The following SDK1 variants were observed in gnomAD, a reference collection of about 807,000 sequenced individuals.
SDK1 encodes the protein sidekick cell adhesion molecule 1.
Under a neutral mutation model 245.5 loss-of-function variants are expected in SDK1, and 157 were observed. That is an observed-to-expected ratio of 0.64 (90% CI 0.56 to 0.73). The LOEUF (loss-of-function observed/expected upper bound fraction) is 0.73, where lower values mean the gene tolerates loss of function less well. SDK1 is among the 30% of genes least tolerant of loss of function. The pLI, the probability that SDK1 is intolerant of heterozygous loss-of-function variation, is 0.00. For synonymous variants in SDK1, 1,647 were observed against 1,278.5 expected (o/e 1.29, Z -6.15); for missense variants, 3,583 against 3,002.3 (o/e 1.19, Z -4.52).
intron 32 of SDK1, among the ~76,000 whole-genome samples, chr7:4,164,861 C>A (rs1781400218): frequency 6.6e-6 from 1 of 152,136 alleles, no homozygotes; most frequent in African/African-American, 2.4e-5. Flanking sequence ...TGCAAGAAGA[C>A]CAGAGCAGGA....
intron 1 of SDK1, among the ~76,000 whole-genome samples, chr7:3,569,237 G>A (rs1248318035): frequency 1.3e-5 from 2 of 151,950 alleles, no homozygotes; most frequent in African/African-American, 4.8e-5. Context: ...AGGAAAAACA[G>A]AAGTCGGAAT....
chr7:4,115,674 C>T (rs1057315943), intron 25 of SDK1, among the ~76,000 whole-genome samples: 2 of 152,282 alleles, frequency 1.3e-5, no homozygotes, highest in South Asian at 2.1e-4. Context: ...ATGGCCAGGG[C>T]CTGCCCACAG....
chr7:3,661,551 A>C (rs1462698698), intron 4 of SDK1, among the ~76,000 whole-genome samples: 1 of 152,196 alleles, frequency 6.6e-6, no homozygotes, highest in African/African-American at 2.4e-5. Context: ...TAGTGATGAA[A>C]TAAGGAATTG....
chr7:4,101,144 C>G (rs184374535), intron 22 of SDK1, among the ~76,000 whole-genome samples: 1 of 148,836 alleles, frequency 6.7e-6, no homozygotes, highest in African/African-American at 2.5e-5. Context: ...AGCAAGGACA[C>G]TTGCATTTTT....
chr7:3,308,842 G>A (rs1407542405), intron 1 of SDK1, among the ~76,000 whole-genome samples: 2 of 152,196 alleles, frequency 1.3e-5, no homozygotes, highest in East Asian at 1.9e-4. Flanking sequence ...GCTCTCAAGT[G>A]TGTAAGCTTA....
intron 19 of SDK1, among the ~76,000 whole-genome samples, chr7:4,061,255 T>C (rs1432137279): frequency 2.0e-5 from 3 of 152,056 alleles, no homozygotes; most frequent in Admixed American, 6.5e-5. Context: ...TTCACGATAT[T>C]GATTCTTCCT....
intron 1 of SDK1, among the ~76,000 whole-genome samples, chr7:3,396,305 G>T (rs1781895069): frequency 6.6e-6 from 1 of 151,590 alleles, no homozygotes; most frequent in Non-Finnish European, 1.5e-5. Flanking sequence ...TTTCTTTGTG[G>T]TCCAGCATAT....
intron 1 of SDK1, among the ~76,000 whole-genome samples, chr7:3,447,531 A>G (rs1191274959): frequency 6.6e-6 from 1 of 152,092 alleles, no homozygotes; most frequent in East Asian, 1.9e-4. Flanking sequence ...CTAGGACAGT[A>G]TGTATAGAAC....
At chr7:3,910,958 G>T (rs1009718201) in intron 5 of SDK1, among the ~76,000 whole-genome samples, 1 of 152,148 alleles carries the variant, frequency 6.6e-6, no homozygotes, top group Non-Finnish European at 1.5e-5. Context: ...AAGCTCAGGC[G>T]TGCTGCTCTG....
At chr7:4,122,162 G>T (rs1007924322) in intron 25 of SDK1, among the ~76,000 whole-genome samples, 29 of 152,246 alleles carry the variant, frequency 1.9e-4, no homozygotes, top group Non-Finnish European at 8.8e-5. Context: ...TCATCAGAAT[G>T]GAGATTTCAC....
At chr7:3,499,752 T>C (rs1427398480) in intron 1 of SDK1, among the ~76,000 whole-genome samples, 1 of 152,188 alleles carries the variant, frequency 6.6e-6, no homozygotes, top group Non-Finnish European at 1.5e-5. Context: ...CCCTGGAGTT[T>C]ACCAAAGCCC....
chr7:4,208,809 T>C (rs554335938), intron 37 of SDK1, among the ~76,000 whole-genome samples: 1 of 152,336 alleles, frequency 6.6e-6, no homozygotes, highest in Non-Finnish European at 1.5e-5. Flanking sequence ...AGACAGGTGC[T>C]GCGCTGCTGT....
intron 1 of SDK1, among the ~76,000 whole-genome samples, chr7:3,490,558 C>T (rs923738866): frequency 6.6e-6 from 1 of 152,076 alleles, no homozygotes; most frequent in Non-Finnish European, 1.5e-5. Context: ...AAGAACTTAC[C>T]ATATAGAATT....
chr7:3,957,914 C>A, intron 7 of SDK1: 1 of 465,548 alleles, frequency 2.1e-6, no homozygotes, highest in Non-Finnish European at 4.4e-6. Context: ...ATTCTTTCTG[C>A]TTGAGTGGTC....
chr7:3,699,053 C>G (rs1194860746), intron 4 of SDK1, among the ~76,000 whole-genome samples: 1 of 152,130 alleles, frequency 6.6e-6, no homozygotes, highest in East Asian at 1.9e-4. Flanking sequence ...CAAGAGAGGC[C>G]AAGTGGGGCT....
intron 4 of SDK1, among the ~76,000 whole-genome samples, chr7:3,812,615 G>A (rs1779412409): frequency 6.6e-6 from 1 of 152,176 alleles, no homozygotes; most frequent in African/African-American, 2.4e-5. Flanking sequence ...GTTTTTCAAG[G>A]CATGGGCCAT....
intron 5 of SDK1, among the ~76,000 whole-genome samples, chr7:3,932,691 A>G (rs1359990603): frequency 6.6e-6 from 1 of 152,234 alleles, no homozygotes; most frequent in Non-Finnish European, 1.5e-5. Context: ...ATTCCTCTCC[A>G]GTTGTGAATT....
intron 7 of SDK1, among the ~76,000 whole-genome samples, chr7:3,954,207 G>C (rs973033729): frequency 6.6e-5 from 10 of 150,640 alleles, no homozygotes; most frequent in African/African-American, 2.5e-4. Flanking sequence ...TGGCTGCCCA[G>C]TCCTGTGGAG....
At chr7:3,710,620 G>A (rs1232844123) in intron 4 of SDK1, among the ~76,000 whole-genome samples, 1 of 152,152 alleles carries the variant, frequency 6.6e-6, no homozygotes, top group Non-Finnish European at 1.5e-5. Flanking sequence ...GAAATCTAAG[G>A]CAAACATTGT....
Sources: gnomAD v4.1 joint callset for allele counts (sites outside exome capture counted in the v4.1 genomes callset) on GRCh38, gnomAD v4.1.1 for gene constraint, MANE v1.5 for transcripts, NCBI Gene and HGNC (gene_info 2026-07-23, HGNC 2026-07-21) for gene names.